FLT1: variants seen among roughly 807,000 people sequenced by gnomAD.
The protein encoded by FLT1 is fms related receptor tyrosine kinase 1.
In FLT1, 49 loss-of-function variants were observed where a neutral mutation model predicts 156.3. The observed-to-expected ratio is 0.31, with a 90% confidence interval of 0.25 to 0.40. The LOEUF (loss-of-function observed/expected upper bound fraction) is 0.40, where lower values mean the gene tolerates loss of function less well. Ranked by LOEUF, FLT1 falls within the 10% of genes least tolerant of loss-of-function variation. The pLI, the probability that FLT1 is intolerant of heterozygous loss-of-function variation, is 1.00. For missense variants in FLT1, 1,322 were observed against 1,637.2 expected, an observed-to-expected ratio of 0.81 and a Z score of 3.32; for synonymous variants, 594 against 583.8, an observed-to-expected ratio of 1.02 and a Z score of -0.25.
intron 3 of FLT1, among the ~76,000 whole-genome samples, chr13:28,460,668 C>T (rs585421): frequency 0.14 from 18,909 of 136,908 alleles, 2,204 homozygotes; most frequent in African/African-American, 0.32. Context: ...CCCACCCCAC[C>T]CCCCCAAAAA....
chr13:28,364,324 A>C (rs1397952547), intron 14 of FLT1, among the ~76,000 whole-genome samples: 1 of 152,190 alleles, frequency 6.6e-6, no homozygotes, highest in Admixed American at 6.5e-5. Flanking sequence ...GTGATCCTCC[A>C]GCCTCAGCCT....
intron 3 of FLT1, among the ~76,000 whole-genome samples, chr13:28,459,074 A>G (rs1879420809): frequency 6.6e-6 from 1 of 152,238 alleles, no homozygotes; most frequent in South Asian, 2.1e-4. Flanking sequence ...ATGTGTGCAG[A>G]TGGGCCAGAA....
At position 28,439,388 on chromosome 13, in the gene FLT1, G is replaced by C. The variant is rs1426548776; in HGVS notation, c.389-1043C>G. Among the ~76,000 whole-genome samples the C allele has an allele frequency of 1.3e-5, 2 of 152,164 alleles. No individual in the cohort carries two copies. The highest frequency in any genetic ancestry group is 2.9e-5 in the Non-Finnish European group (2 of 68,024). On this transcript the variant is annotated intron_variant, in intron 3 of 29. Transcript: ENST00000282397. This position sits in a 1 kb window ranked among gnomAD's most constrained non-coding sequence, Gnocchi z 4.1. Reference sequence around the variant, plus strand: ...CACCTGCTTGCTGGTCCTGCCTCAGGTTTGTGGATTACGAAGCTAATTCAG... The same window carrying C: ...CACCTGCTTGCTGGTCCTGCCTCAGCTTTGTGGATTACGAAGCTAATTCAG...
At chr13:28,390,150 T>C in intron 12 of FLT1, 46 bp from the exon 13 acceptor site, 1 of 1,597,674 alleles carries the variant, frequency 6.3e-7, no homozygotes, top group Admixed American at 1.7e-5. Context: ...AAAATCAGTG[T>C]CTTTTAATGA....
chr13:28,361,173 G>T (rs1045567890), intron 14 of FLT1, among the ~76,000 whole-genome samples: 19 of 152,030 alleles, frequency 1.2e-4, no homozygotes, highest in African/African-American at 4.1e-4. Flanking sequence ...CAGCTACTCG[G>T]GAGGCTGAGG....
At chr13:28,424,550 G>C (rs1189463382) in intron 10 of FLT1, among the ~76,000 whole-genome samples, 3 of 152,080 alleles carry the variant, frequency 2.0e-5, no homozygotes, top group East Asian at 1.9e-4. Context: ...TAAATAATTT[G>C]AGTTAGGTCT....
chr13:28,341,474 T>C (rs1296638700), intron 16 of FLT1, among the ~76,000 whole-genome samples: 5 of 152,146 alleles, frequency 3.3e-5, no homozygotes, highest in African/African-American at 2.4e-5. Context: ...TTTTCTTATC[T>C]GTAATAATGG....
intron 18 of FLT1, 110 bp downstream of exon 18, chr13:28,333,915 C>T: frequency 1.2e-6 from 1 of 811,064 alleles, no homozygotes. Context: ...ATTATGTGTC[C>T]AGAGCAGAAA....
intron 3 of FLT1, among the ~76,000 whole-genome samples, chr13:28,445,711 G>A (rs1397576359): frequency 6.6e-6 from 1 of 151,998 alleles, no homozygotes; most frequent in Non-Finnish European, 1.5e-5. Flanking sequence ...GAAAGTCAGG[G>A]CCCAGATGGC....
intron 3 of FLT1, among the ~76,000 whole-genome samples, chr13:28,462,166 C>T (rs1310590452): frequency 6.6e-6 from 1 of 152,092 alleles, no homozygotes; most frequent in African/African-American, 2.4e-5. Flanking sequence ...AGTTTAAGGT[C>T]TTGCTAACTA....
chr13:28,418,537 T>A (rs1306851547), intron 10 of FLT1, among the ~76,000 whole-genome samples: 1 of 151,980 alleles, frequency 6.6e-6, no homozygotes, highest in Non-Finnish European at 1.5e-5. Flanking sequence ...CAGGGAAAAA[T>A]AACCTTCTGG....
chr13:28,488,655 C>A (rs930834766), intron 1 of FLT1, among the ~76,000 whole-genome samples: 2 of 152,044 alleles, frequency 1.3e-5, no homozygotes, highest in Admixed American at 6.6e-5. Context: ...TAGGGAGGCA[C>A]CAGCTCGAGC....
At chr13:28,342,968 CTTTCTTTCTTTCTT>C (rs1435468738) in intron 16 of FLT1, among the ~76,000 whole-genome samples, 1 of 135,938 alleles carries the variant, frequency 7.4e-6, no homozygotes, top group Non-Finnish European at 1.6e-5. Flanking sequence ...CTCTCTCTCT[CTTTCTTTCTTTCTT>C]TTTCTTTCTT....
intron 12 of FLT1, among the ~76,000 whole-genome samples, chr13:28,392,170 G>A (rs1874772833): frequency 6.6e-6 from 1 of 152,158 alleles, no homozygotes; most frequent in Non-Finnish European, 1.5e-5. Flanking sequence ...AAATGCCAAA[G>A]TATTCATTTG....
chr13:28,368,897 G>T (rs1873426373), intron 14 of FLT1, among the ~76,000 whole-genome samples: 1 of 151,264 alleles, frequency 6.6e-6, no homozygotes, highest in Non-Finnish European at 1.5e-5. Context: ...TTGAGATGGG[G>T]TTTCACCACG....
chr13:28,314,409 AT>A (rs1377779275), intron 25 of FLT1, among the ~76,000 whole-genome samples: 1 of 152,190 alleles, frequency 6.6e-6, no homozygotes, highest in Admixed American at 6.5e-5. Context: ...GAAAAAAAAA[AT>A]AAAAAAATTC....
At chr13:28,315,899 G>A (rs1021789028) in intron 25 of FLT1, among the ~76,000 whole-genome samples, 2 of 152,250 alleles carry the variant, frequency 1.3e-5, no homozygotes, top group East Asian at 3.9e-4. Flanking sequence ...GCTGACAGAC[G>A]GCACATTGCT....
chr13:28,434,605 G>A (rs766174199), intron 4 of FLT1, among the ~76,000 whole-genome samples: 1 of 152,274 alleles, frequency 6.6e-6, no homozygotes, highest in East Asian at 1.9e-4. Flanking sequence ...TTAAGAGGCC[G>A]GGCGTGGTGG....
At chr13:28,481,442 T>TACACACACACACACAC (rs397687323) in intron 1 of FLT1, among the ~76,000 whole-genome samples, 1 of 142,568 alleles carries the variant, frequency 7.0e-6, no homozygotes, top group African/African-American at 2.6e-5. Flanking sequence ...CCTCCGCTTA[T>TACACACACACACACAC]ACACACACAC....
Sources: gnomAD v4.1 joint callset for allele counts (sites outside exome capture counted in the v4.1 genomes callset) on GRCh38, gnomAD v4.1.1 for gene constraint, Gnocchi (gnomAD v3.1) non-coding constraint, MANE v1.5 for transcripts, NCBI Gene and HGNC (gene_info 2026-07-23, HGNC 2026-07-21) for gene names.